NPHP4: variants seen among roughly 807,000 people sequenced by gnomAD.
NPHP4 encodes the protein nephrocystin 4, also known as nephrocystin-4.
In NPHP4, 151 loss-of-function variants were observed where a neutral mutation model predicts 155.8. The observed-to-expected ratio is 0.97, with a 90% confidence interval of 0.85 to 1.11. The LOEUF is 1.11. Ranked by LOEUF, NPHP4 falls within the 50% of genes least tolerant of loss-of-function variation. NPHP4 has a pLI of 0.00. For synonymous variants in NPHP4, 845 were observed against 816.8 expected, an observed-to-expected ratio of 1.03 and a Z score of -0.59; for missense variants, 1,956 against 1,925.7, an observed-to-expected ratio of 1.02 and a Z score of -0.29.
chr1:5,895,238 T>A (rs924589857), intron 16 of NPHP4, among the ~76,000 whole-genome samples: 22 of 151,950 alleles, frequency 1.4e-4, no homozygotes, highest in Non-Finnish European at 2.9e-5. Flanking sequence ...TGTTAAATGA[T>A]GAGTTAATGG....
intron 9 of NPHP4, among the ~76,000 whole-genome samples, chr1:5,939,857 G>T (rs1646734852): frequency 6.6e-6 from 1 of 152,072 alleles, no homozygotes; most frequent in Admixed American, 6.6e-5. Context: ...TTTCATTACG[G>T]GCCACCAGCA....
At chr1:5,971,939 T>C (rs1188942028) in intron 3 of NPHP4, among the ~76,000 whole-genome samples, 2 of 152,264 alleles carry the variant, frequency 1.3e-5, no homozygotes, top group African/African-American at 2.4e-5. Context: ...AACAGATTAA[T>C]AAATCATTTA....
intron 2 of NPHP4, 30 bp downstream of exon 2, chr1:5,986,125 C>T: frequency 6.2e-7 from 1 of 1,612,634 alleles, no homozygotes; most frequent in Non-Finnish European, 8.5e-7. Flanking sequence ...AGAGCAATAA[C>T]ACGCATTTGC....
chr1:5,971,180 G>A (rs1434014227), intron 3 of NPHP4, among the ~76,000 whole-genome samples: 1 of 152,138 alleles, frequency 6.6e-6, no homozygotes, highest in Non-Finnish European at 1.5e-5. Context: ...TGCCGCTACG[G>A]GCATGTCCCA....
intron 7 of NPHP4, among the ~76,000 whole-genome samples, chr1:5,952,015 G>A (rs1648178670): frequency 6.6e-6 from 1 of 152,212 alleles, no homozygotes; most frequent in East Asian, 1.9e-4. Context: ...AAAAGCCTCT[G>A]CCTAACAGAT....
intron 11 of NPHP4, 44 bp downstream of exon 11, chr1:5,927,605 T>C (rs2101668268): frequency 6.4e-7 from 1 of 1,568,122 alleles, no homozygotes; most frequent in East Asian, 2.3e-5. Flanking sequence ...ATGGAAGTGC[T>C]GCCTGCCATG....
intron 2 of NPHP4, among the ~76,000 whole-genome samples, chr1:5,980,240 C>T (rs1438060773): frequency 6.6e-6 from 1 of 152,216 alleles, no homozygotes; most frequent in Non-Finnish European, 1.5e-5. Context: ...TGGGACATGG[C>T]CTACCCCTCG....
At chr1:5,865,534 C>G in intron 26 of NPHP4, 2 of 424,468 alleles carry the variant, frequency 4.7e-6, no homozygotes, top group Admixed American at 3.7e-5. Flanking sequence ...CAGGGCGCAG[C>G]AGGGCTGCTT....
Position 5,907,162 on chromosome 1 carries a change from G to T in NPHP4, c.1564C>A (p.Pro522Thr). The change falls in exon 13 of 30, where the codon CCT (proline) becomes ACT (threonine). Residue 522 changes from proline to threonine, a missense_variant. Physicochemically the swap from Pro to Thr is conservative, Grantham distance 38. Coordinates refer to ENST00000378156, the MANE Select transcript of NPHP4 (RefSeq NM_015102.5). ...RSPTQHCLAR[P>T]TSQLPHGSQA... ...GAGCCATGGGGTAGCTGTGAAGTAG[G>T]CCTGGCCAAGCAGTGCTGAGTCGGG... is the stretch of plus-strand genomic sequence containing the variant. The T allele has an allele frequency of 6.3e-7, 1 of 1,588,588 alleles. No homozygotes were observed. The highest frequency in any genetic ancestry group is 8.6e-7 in the Non-Finnish European group (1 of 1,166,906).
At chr1:5,984,639 T>G (rs2102438787) in intron 2 of NPHP4, among the ~76,000 whole-genome samples, 1 of 152,330 alleles carries the variant, frequency 6.6e-6, no homozygotes, top group Non-Finnish European at 1.5e-5. Flanking sequence ...GCTTAGAATT[T>G]AAGAAAGTTG....
chr1:5,955,678 G>A (rs1557828561), intron 6 of NPHP4, among the ~76,000 whole-genome samples: 2 of 152,230 alleles, frequency 1.3e-5, no homozygotes, highest in African/African-American at 4.8e-5. Context: ...ACTCATATGT[G>A]GGATCTCAAA....
chr1:5,942,882 C>T (rs756098167), intron 9 of NPHP4, among the ~76,000 whole-genome samples: 29 of 152,214 alleles, frequency 1.9e-4, no homozygotes, highest in Admixed American at 7.2e-4. Flanking sequence ...CCCAGAGGCT[C>T]AGGAGGATGC....
intron 20 of NPHP4, chr1:5,876,044 G>A (rs1642565901): frequency 6.6e-6 from 1 of 152,316 alleles, no homozygotes; most frequent in South Asian, 2.1e-4. Flanking sequence ...TTCATCCTCA[G>A]AGCTTTTCAG....
chr1:5,869,804 G>A (rs922454157), intron 23 of NPHP4, among the ~76,000 whole-genome samples: 1 of 152,214 alleles, frequency 6.6e-6, no homozygotes, highest in Admixed American at 6.5e-5. Flanking sequence ...AGGCAAATAA[G>A]TAAGCCAAAT....
intron 23 of NPHP4, among the ~76,000 whole-genome samples, chr1:5,869,683 G>A (rs1054205374): frequency 1.3e-5 from 2 of 152,194 alleles, no homozygotes; most frequent in Non-Finnish European, 2.9e-5. Flanking sequence ...GTCTAGCCCT[G>A]GTTGGTACTG....
Position 5,905,213 on chromosome 1 carries a change from G to A in NPHP4, c.1955+79C>T. Reference sequence around the variant, plus strand: ...GACCTCAGCACAGACAGTTCTGCCAGGTCAGAACCTCAGCGAAGTTTCTCT... The same window carrying A: ...GACCTCAGCACAGACAGTTCTGCCAAGTCAGAACCTCAGCGAAGTTTCTCT... On this transcript the variant is annotated intron_variant, in intron 15 of 29. Transcript: ENST00000378156. This position sits in a 1 kb window ranked among gnomAD's most constrained non-coding sequence, Gnocchi z 4.0. 2 of 1,169,012 alleles carry A rather than the reference G, an allele frequency of 1.7e-6. No individual in the cohort carries two copies. Among genetic ancestry groups the A allele is most frequent in the African/African-American group, 3.0e-5 (2 of 66,826 alleles). The allele number at this position is 1,169,012 out of a possible 1,614,324, so 72.4% of individuals were successfully genotyped here.
rs1177265496 is a variant in NPHP4 at position 5,962,527 on chromosome 1, T to C, written c.518-578A>G. ...CTGCCTGCCTTTGTGTGTCAGCACT[T>C]GTATCCACCAAGCCCCAAACGGAGG... On this transcript the variant is annotated intron_variant, in intron 5 of 29. Transcript: ENST00000378156. Among the ~76,000 whole-genome samples, 4 of 152,158 alleles carry C rather than the reference T, an allele frequency of 2.6e-5. No individual in the cohort carries two copies. In the South Asian group the frequency reaches 6.2e-4, roughly 24 times the overall value.
chr1:5,944,683 T>C lies in NPHP4; in HGVS notation c.1119+2421A>G, dbSNP rs1299577939. On this transcript the variant is annotated intron_variant, in intron 9 of 29. Transcript: ENST00000378156. This position sits in a 1 kb window ranked among gnomAD's most constrained non-coding sequence, Gnocchi z 4.3. ...CGACCAGCACATCGGAAAGTACCAA[T>C]GACTGGCCGGGCGCGGTGGTTCACG... Among the ~76,000 whole-genome samples the C allele has an allele frequency of 6.6e-6, 1 of 152,160 alleles. No individual in the cohort carries two copies. Among genetic ancestry groups the C allele is most frequent in the Non-Finnish European group, 1.5e-5 (1 of 68,034 alleles).
At chr1:5,898,559 GCTCT>G (rs1206864366) in intron 16 of NPHP4, among the ~76,000 whole-genome samples, 1 of 152,232 alleles carries the variant, frequency 6.6e-6, no homozygotes, top group Non-Finnish European at 1.5e-5. Flanking sequence ...CTCAGATGCC[GCTCT>G]CTGAGTGGAT....
Sources: gnomAD v4.1 joint callset for allele counts (sites outside exome capture counted in the v4.1 genomes callset) on GRCh38, gnomAD v4.1.1 for gene constraint, Gnocchi (gnomAD v3.1) non-coding constraint, MANE v1.5 for transcripts, NCBI Gene and HGNC (gene_info 2026-07-23, HGNC 2026-07-21) for gene names.